Variants in RFX3 observed in about 807,000 individuals in gnomAD.
RFX3 encodes transcription factor RFX3.
Under a neutral mutation model 98.6 loss-of-function variants are expected in RFX3, and 14 were observed. The observed-to-expected ratio is 0.14, with a 90% CI of 0.09 to 0.22. The LOEUF is 0.22. RFX3 is among the 10% of genes least tolerant of loss of function. RFX3 has a pLI of 1.00. For synonymous variants in RFX3, 383 were observed against 328.4 expected (o/e 1.17, Z -1.80); for missense variants, 639 against 926.9 (o/e 0.69, Z 4.03).
At chr9:3,307,921 C>G (rs1338356076) in intron 4 of RFX3, among the ~76,000 whole-genome samples, 1 of 152,024 alleles carries the variant, frequency 6.6e-6, no homozygotes, top group African/African-American at 2.4e-5. Flanking sequence ...TTTTTAAAAT[C>G]TTCTTCTGCC....
intron 1 of RFX3, among the ~76,000 whole-genome samples, chr9:3,414,432 G>T (rs762099022): frequency 6.6e-6 from 1 of 151,424 alleles, no homozygotes; most frequent in Non-Finnish European, 1.5e-5. Context: ...AAGATCCAAA[G>T]ACATATTTGC....
intron 3 of RFX3, among the ~76,000 whole-genome samples, chr9:3,336,594 A>C (rs1202797767): frequency 6.6e-6 from 1 of 152,160 alleles, no homozygotes; most frequent in African/African-American, 2.4e-5. Flanking sequence ...ATAACATAGC[A>C]CACAACACAG....
At chr9:3,270,323 G>A in intron 11 of RFX3, 48 bp downstream of exon 11, 2 of 1,542,298 alleles carry the variant, frequency 1.3e-6, no homozygotes, top group Non-Finnish European at 1.8e-6. Context: ...CTTCCTGGGT[G>A]GAATGTATGA....
chr9:3,348,419 C>T (rs770585032), intron 2 of RFX3, among the ~76,000 whole-genome samples: 7 of 151,758 alleles, frequency 4.6e-5, no homozygotes, highest in Non-Finnish European at 1.0e-4. Context: ...TCCCTATCCA[C>T]GTTTCGCCTG....
intron 2 of RFX3, among the ~76,000 whole-genome samples, chr9:3,354,250 T>C (rs7045360): frequency 0.071 from 10,836 of 151,784 alleles, 473 homozygotes; most frequent in African/African-American, 0.12. Flanking sequence ...TTTTTCCAAA[T>C]TTGATTGAAA....
chr9:3,450,541 G>A (rs1453363313), intron 1 of RFX3, among the ~76,000 whole-genome samples: 1 of 152,064 alleles, frequency 6.6e-6, no homozygotes, highest in Non-Finnish European at 1.5e-5. Context: ...TCTGAAGGTG[G>A]AAGAAAGTAT....
At chr9:3,312,179 T>C (rs1014925772) in intron 4 of RFX3, among the ~76,000 whole-genome samples, 1 of 152,208 alleles carries the variant, frequency 6.6e-6, no homozygotes, top group Non-Finnish European at 1.5e-5. Flanking sequence ...TATGTATACA[T>C]GTACATGTAT....
At chr9:3,483,025 T>C (rs911936842) in intron 1 of RFX3, among the ~76,000 whole-genome samples, 1 of 152,208 alleles carries the variant, frequency 6.6e-6, no homozygotes, top group Non-Finnish European at 1.5e-5. Flanking sequence ...GCAGTTTAGC[T>C]ATTTGCTTCA....
chr9:3,270,060 AAAAG>A (rs1824180391), intron 11 of RFX3, among the ~76,000 whole-genome samples: 1 of 127,360 alleles, frequency 7.9e-6, no homozygotes, highest in South Asian at 2.3e-4. Context: ...AAAAAAAGAA[AAAAG>A]AAAGAAAGAG....
chr9:3,499,433 TTAATTA>T (rs1270017118), intron 1 of RFX3, among the ~76,000 whole-genome samples: 13 of 152,064 alleles, frequency 8.5e-5, no homozygotes, highest in African/African-American at 2.9e-4. Flanking sequence ...TAATTTTATA[TTAATTA>T]TAAAATCTAT....
At chr9:3,309,694 GA>G (rs1427075799) in intron 4 of RFX3, among the ~76,000 whole-genome samples, 2 of 152,054 alleles carry the variant, frequency 1.3e-5, no homozygotes, top group East Asian at 1.9e-4. Context: ...TACATATTGT[GA>G]AAAGAAAAAT....
chr9:3,225,009 A>G lies in RFX3; in HGVS notation c.*33T>C, dbSNP rs1275831143. The G allele has an allele frequency of 3.1e-6, 5 of 1,597,790 alleles. No homozygotes were observed. The highest frequency in any genetic ancestry group is 4.3e-6 in the Non-Finnish European group (5 of 1,166,468). On this transcript the variant is annotated 3_prime_UTR_variant, in exon 17 of 17. Transcript: ENST00000617270. ...ACTTAAGCCCAATATCAACAGGGTT[A>G]ATGTAAGCTGGAAAAATACGCTTTA...
chr9:3,268,395 A>AATGG (rs1166482050), intron 11 of RFX3, among the ~76,000 whole-genome samples: 1 of 151,714 alleles, frequency 6.6e-6, no homozygotes, highest in Non-Finnish European at 1.5e-5. Flanking sequence ...AAGCCTCATG[A>AATGG]ATGGATGGTT....
intron 5 of RFX3, 128 bp from the exon 6 acceptor site, chr9:3,293,386 G>C (rs527562758): frequency 3.2e-6 from 2 of 621,882 alleles, no homozygotes; most frequent in Middle Eastern, 5.5e-4. Context: ...AGAGTAAACT[G>C]CTATAATTCA....
At chr9:3,504,201 A>C (rs1033671391) in intron 1 of RFX3, among the ~76,000 whole-genome samples, 10 of 107,880 alleles carry the variant, frequency 9.3e-5, no homozygotes, top group Non-Finnish European at 1.7e-4. Flanking sequence ...TATTATATAT[A>C]TTATATATAT....
intron 16 of RFX3, among the ~76,000 whole-genome samples, chr9:3,226,746 C>A (rs542677720): frequency 6.6e-6 from 1 of 152,290 alleles, no homozygotes; most frequent in South Asian, 2.1e-4. Flanking sequence ...AGAGGGTATA[C>A]TTGAAACATG....
Position 3,223,150 on chromosome 9 carries a change from T to C in RFX3, c.*1892A>G, listed in dbSNP as rs563105688. On this transcript the variant is annotated 3_prime_UTR_variant, in exon 17 of 17. Coordinates refer to ENST00000617270, the MANE Select transcript of RFX3 (RefSeq NM_001282116.2). ...CTCATTTGATAATCTGTCAATCATT[T>C]TGTGCTTTCCTTTTTTTTGGCTTTA... is the stretch of plus-strand genomic sequence containing the variant. The C allele has an allele frequency of 5.9e-5, 9 of 152,284 alleles. No homozygotes were observed. The highest frequency in any genetic ancestry group is 1.7e-4 in the African/African-American group (7 of 41,566). The allele number at this position is 152,284 out of a possible 1,614,324, so 9.4% of individuals were successfully genotyped here.
intron 1 of RFX3, among the ~76,000 whole-genome samples, chr9:3,492,024 T>C (rs1022136274): frequency 1.3e-5 from 2 of 152,196 alleles, no homozygotes; most frequent in Admixed American, 1.3e-4. Flanking sequence ...TATTCTACAA[T>C]GACTTTATTT....
intron 1 of RFX3, among the ~76,000 whole-genome samples, chr9:3,519,507 T>C (rs1397258366): frequency 2.0e-5 from 3 of 152,208 alleles, no homozygotes; most frequent in Admixed American, 6.5e-5. Flanking sequence ...CCAACGCGTA[T>C]TGAACACATA....
Sources: gnomAD v4.1 joint callset for allele counts (sites outside exome capture counted in the v4.1 genomes callset) on GRCh38, gnomAD v4.1.1 for gene constraint, MANE v1.5 for transcripts, NCBI Gene and HGNC (gene_info 2026-07-23, HGNC 2026-07-21) for gene names.